DPP10: variants seen among roughly 807,000 people sequenced by gnomAD.
DPP10 encodes inactive dipeptidyl peptidase 10.
A neutral mutation model predicts 120.9 loss-of-function variants in DPP10; 33 were observed. The ratio of observed to expected loss-of-function variants is 0.27; its 90% CI spans 0.21 to 0.37. DPP10 has a LOEUF of 0.37. DPP10 is among the 10% of genes least tolerant of loss of function. The pLI is 1.00. For missense variants in DPP10, 816 were observed against 942.8 expected, an observed-to-expected ratio of 0.87 and a Z score of 1.76; for synonymous variants, 337 against 326.1, an observed-to-expected ratio of 1.03 and a Z score of -0.36.
At chr2:115,114,248 G>T (rs1362833140) in intron 1 of DPP10, among the ~76,000 whole-genome samples, 28 of 152,114 alleles carry the variant, frequency 1.8e-4, no homozygotes, top group Admixed American at 1.8e-3. Flanking sequence ...CAGTCCATGT[G>T]TATGCCTCAA....
intron 5 of DPP10, among the ~76,000 whole-genome samples, chr2:115,636,712 C>T (rs925671237): frequency 2.0e-5 from 3 of 151,982 alleles, no homozygotes. Flanking sequence ...CTTTATTGTA[C>T]TGTTCTTTCA....
At chr2:114,836,564 G>A (rs190651441) in intron 1 of DPP10, among the ~76,000 whole-genome samples, 1 of 152,292 alleles carries the variant, frequency 6.6e-6, no homozygotes, top group East Asian at 1.9e-4. Context: ...TAGGAAAATG[G>A]AGGCAGGGCG....
chr2:114,444,230 G>A (rs1284521307), intron 1 of DPP10, among the ~76,000 whole-genome samples: 1 of 152,150 alleles, frequency 6.6e-6, no homozygotes, highest in Non-Finnish European at 1.5e-5. Context: ...GTTTTCCTCT[G>A]TGTATCAGTT....
intron 10 of DPP10, among the ~76,000 whole-genome samples, chr2:115,751,988 CA>C (rs1410924696): frequency 1.3e-5 from 2 of 151,962 alleles, no homozygotes; most frequent in East Asian, 3.9e-4. Flanking sequence ...TTAATAGAGA[CA>C]GGGTTTTACC....
Position 115,611,297 on chromosome 2 carries a change from C to T in DPP10, c.442-78390C>T, listed in dbSNP as rs570938382. On this transcript the variant is annotated intron_variant, in intron 5 of 25. Transcript: ENST00000410059. The stretch of plus-strand genomic sequence containing the variant: ...TAATTTGGAAACATATTTCAAAAAC[C>T]GAATCTTAATCTATGCAATGAACAT... Among the ~76,000 whole-genome samples the T allele has an allele frequency of 1.3e-4, 20 of 152,184 alleles. No individual in the cohort carries two copies. The East Asian group carries it at 1.5e-3, about 12-fold the overall frequency.
chr2:115,079,215 C>T (rs1308495621), intron 1 of DPP10, among the ~76,000 whole-genome samples: 1 of 152,030 alleles, frequency 6.6e-6, no homozygotes, highest in Non-Finnish European at 1.5e-5. Context: ...CCCGTCTCTA[C>T]TAAAAACACA....
intron 3 of DPP10, among the ~76,000 whole-genome samples, chr2:115,346,444 T>C (rs939679616): frequency 1.3e-5 from 2 of 152,130 alleles, no homozygotes; most frequent in African/African-American, 4.8e-5. Context: ...GGCCCTGACA[T>C]GTGTAGGTTA....
chr2:115,623,602 A>G (rs1466756210), intron 5 of DPP10, among the ~76,000 whole-genome samples: 1 of 152,182 alleles, frequency 6.6e-6, no homozygotes, highest in Admixed American at 6.5e-5. Context: ...AGAGCTTACA[A>G]TTTATGGAAA....
chr2:115,178,804 G>A (rs1281655771), intron 1 of DPP10, among the ~76,000 whole-genome samples: 2 of 152,132 alleles, frequency 1.3e-5, no homozygotes, highest in Non-Finnish European at 2.9e-5. Context: ...TTCCAACTTA[G>A]GATGAGGTTA....
chr2:115,009,435 G>C (rs1210099527), intron 1 of DPP10, among the ~76,000 whole-genome samples: 2 of 152,058 alleles, frequency 1.3e-5, no homozygotes, highest in African/African-American at 4.8e-5. Context: ...TGTGGGGTGG[G>C]GGTTGGTGGG....
chr2:115,650,410 A>AGT (rs1491432907), intron 5 of DPP10, among the ~76,000 whole-genome samples: 2 of 129,830 alleles, frequency 1.5e-5, no homozygotes, highest in Admixed American at 8.1e-5. Context: ...GCATGGGGAA[A>AGT]GGGGGGGGGG....
chr2:115,743,685 C>G (rs892872609), intron 9 of DPP10, among the ~76,000 whole-genome samples: 1 of 140,940 alleles, frequency 7.1e-6, no homozygotes, highest in African/African-American at 2.5e-5. Context: ...GACAGGAAAC[C>G]TTCAACTCAA....
chr2:115,067,372 C>T (rs1046907599), intron 1 of DPP10, among the ~76,000 whole-genome samples: 8 of 151,826 alleles, frequency 5.3e-5, no homozygotes, highest in Non-Finnish European at 1.2e-4. Context: ...CTGCCTCAGC[C>T]TCCCGAGTAG....
At chr2:114,788,567 C>A (rs928531380) in intron 1 of DPP10, among the ~76,000 whole-genome samples, 4 of 152,082 alleles carry the variant, frequency 2.6e-5, no homozygotes. Flanking sequence ...AGGCGCCCAC[C>A]ACCACGCCCG....
rs958798755 is a variant in DPP10 at position 115,213,972 on chromosome 2, C to CT, written c.61-95260dup. Among the ~76,000 whole-genome samples, 7 of 152,068 alleles carry CT rather than the reference C, an allele frequency of 4.6e-5. No homozygotes were observed. The South Asian group carries it at 1.5e-3, about 32-fold the overall frequency. On this transcript the variant is annotated intron_variant, in intron 1 of 25. Transcript: ENST00000410059. Reference sequence around the variant, plus strand: ...ATGGATAGAAAAAATCAGAAAAATGCTTTTTTTAACCCATAAAATTAGAGT... The same window carrying CT: ...ATGGATAGAAAAAATCAGAAAAATGCTTTTTTTTAACCCATAAAATTAGAGT...
intron 5 of DPP10, among the ~76,000 whole-genome samples, chr2:115,662,081 G>T (rs139181637): frequency 5.9e-5 from 9 of 152,184 alleles, no homozygotes; most frequent in African/African-American, 2.2e-4. Flanking sequence ...TATGTTTGAT[G>T]ATTTTAGTCT....
At chr2:114,948,393 A>G (rs1697524919) in intron 1 of DPP10, among the ~76,000 whole-genome samples, 1 of 151,998 alleles carries the variant, frequency 6.6e-6, no homozygotes, top group African/African-American at 2.4e-5. Context: ...CCTGCATCTT[A>G]TTTTACCCTT....
At chr2:114,990,997 T>A (rs1480749989) in intron 1 of DPP10, among the ~76,000 whole-genome samples, 3 of 152,150 alleles carry the variant, frequency 2.0e-5, no homozygotes, top group Admixed American at 1.3e-4. Flanking sequence ...TGCTACAAAA[T>A]AAGGTTTTTG....
intron 19 of DPP10, among the ~76,000 whole-genome samples, chr2:115,801,056 C>T (rs1389305395): frequency 2.0e-5 from 3 of 152,052 alleles, no homozygotes; most frequent in Non-Finnish European, 4.4e-5. Flanking sequence ...ATTGATTCTT[C>T]CTACCCATGA....
Sources: gnomAD v4.1 joint callset for allele counts (sites outside exome capture counted in the v4.1 genomes callset) on GRCh38, gnomAD v4.1.1 for gene constraint, MANE v1.5 for transcripts, NCBI Gene and HGNC (gene_info 2026-07-23, HGNC 2026-07-21) for gene names.